The following IL1RAPL1 variants were observed in gnomAD, a reference collection of about 807,000 sequenced individuals.
IL1RAPL1 encodes the protein interleukin-1 receptor accessory protein-like 1.
In IL1RAPL1, 3 loss-of-function variants were observed where a neutral mutation model predicts 48.4. The observed-to-expected ratio is 0.06, with a 90% CI of 0.03 to 0.16. The LOEUF (loss-of-function observed/expected upper bound fraction) is 0.16, where lower values mean the gene tolerates loss of function less well. Ranked by LOEUF, IL1RAPL1 falls within the 10% of genes least tolerant of loss-of-function variation. The pLI, the probability that IL1RAPL1 is intolerant of heterozygous loss-of-function variation, is 1.00. For missense variants in IL1RAPL1, 349 were observed against 530.6 expected (o/e 0.66, Z 3.36); for synonymous variants, 185 against 187.7 (o/e 0.99, Z 0.12).
At chrX:28,924,171 C>G (rs964902769) in intron 2 of IL1RAPL1, 5 of 112,052 alleles carry the variant, frequency 4.5e-5, no homozygotes, top group African/African-American at 1.6e-4. Context: ...TTAAAAAATA[C>G]TGTTTGCTTT....
chrX:29,637,523 A>G (rs745367674), intron 5 of IL1RAPL1, among the ~76,000 whole-genome samples: 2 of 111,446 alleles, frequency 1.8e-5, no homozygotes, highest in South Asian at 7.4e-4. Flanking sequence ...GAATTGGAGA[A>G]GGTATATATG....
At chrX:29,390,584 A>T (rs911246295) in intron 3 of IL1RAPL1, among the ~76,000 whole-genome samples, 4 of 111,731 alleles carry the variant, frequency 3.6e-5, no homozygotes, top group African/African-American at 1.3e-4. Context: ...TAGTGATCCT[A>T]TTAGAGGATA....
intron 1 of IL1RAPL1, among the ~76,000 whole-genome samples, chrX:28,681,270 T>C (rs764529785): frequency 9.0e-6 from 1 of 111,712 alleles, no homozygotes; most frequent in South Asian, 3.7e-4. Context: ...TCTCATTTTT[T>C]CATTTCTGGA....
rs1224692851 is a variant in IL1RAPL1 at position 28,703,564 on chromosome X, T to G, written c.-24-85756T>G. Among the ~76,000 whole-genome samples, 17 of 111,225 alleles carry G rather than the reference T, an allele frequency of 1.5e-4. No individual in the cohort carries two copies. The Admixed American group carries it at 1.6e-3, about 11-fold the overall frequency. ...TTATTTTCTCAAGTCCCCAACCCCC[T>G]AAAGAATATCTGATTTTTAAGAGAT... On this transcript the variant is annotated intron_variant, in intron 1 of 10. Transcript: ENST00000378993.
intron 3 of IL1RAPL1, among the ~76,000 whole-genome samples, chrX:29,332,554 C>T (rs1358440945): frequency 1.9e-5 from 2 of 104,250 alleles, no homozygotes; most frequent in African/African-American, 6.9e-5. Context: ...AGATGTTTAT[C>T]CCAAATCCAG....
At chrX:29,416,462 G>C (rs974495733) in intron 5 of IL1RAPL1, among the ~76,000 whole-genome samples, 11 of 110,941 alleles carry the variant, frequency 9.9e-5, no homozygotes, top group Admixed American at 6.8e-4. Context: ...CTTGAACTTG[G>C]GGGGGCAGAG....
chrX:29,592,629 A>G (rs1219821738), intron 5 of IL1RAPL1, among the ~76,000 whole-genome samples: 1 of 112,249 alleles, frequency 8.9e-6, no homozygotes, highest in East Asian at 2.8e-4. Context: ...GTTCATATCA[A>G]CTGCAATGCC....
intron 5 of IL1RAPL1, among the ~76,000 whole-genome samples, chrX:29,423,773 C>T (rs1263619313): frequency 3.6e-5 from 4 of 111,358 alleles, no homozygotes; most frequent in Non-Finnish European, 7.5e-5. Flanking sequence ...ACTCTAAGCA[C>T]CTTGCATATA....
At chrX:29,438,816 C>T (rs909122331) in intron 5 of IL1RAPL1, among the ~76,000 whole-genome samples, 2 of 110,693 alleles carry the variant, frequency 1.8e-5, no homozygotes, top group African/African-American at 6.5e-5. Context: ...TCCATGGGAA[C>T]TTAAAAAGAA....
chrX:29,921,806 T>C (rs1932850113), intron 8 of IL1RAPL1, among the ~76,000 whole-genome samples: 1 of 112,058 alleles, frequency 8.9e-6, no homozygotes, highest in African/African-American at 3.2e-5. Context: ...GTACTTTTAA[T>C]CACTCTTCCC....
At chrX:29,610,892 C>G (rs537547122) in intron 5 of IL1RAPL1, among the ~76,000 whole-genome samples, 257 of 112,031 alleles carry the variant, frequency 2.3e-3, no homozygotes, top group African/African-American at 7.9e-3. Flanking sequence ...GAGGACTAAG[C>G]TCTGATTTTT....
intron 6 of IL1RAPL1, among the ~76,000 whole-genome samples, chrX:29,815,703 T>C (rs1173333860): frequency 9.0e-6 from 1 of 111,136 alleles, no homozygotes; most frequent in Non-Finnish European, 1.9e-5. Flanking sequence ...AAGTATGGTG[T>C]TGGCTGTGGG....
rs146258776 is a variant in IL1RAPL1 at position 29,066,622 on chromosome X, C to G, written c.83-216316C>G. Among the ~76,000 whole-genome samples, 812 of 111,557 alleles carry G rather than the reference C, an allele frequency of 7.3e-3. 3 individuals are homozygous for G. The highest frequency in any genetic ancestry group is 0.025 in the African/African-American group (765 of 30,634). ...AATAGAGTCTGTAGCCTCTGGCCTT[C>G]TCAGCTTATCTCCCTCAGCATAGAA... On this transcript the variant is annotated intron_variant, in intron 2 of 10. Coordinates refer to ENST00000378993, the MANE Select transcript of IL1RAPL1 (RefSeq NM_014271.4).
intron 6 of IL1RAPL1, among the ~76,000 whole-genome samples, chrX:29,826,274 C>G (rs1930737654): frequency 9.0e-6 from 1 of 111,295 alleles, no homozygotes. Flanking sequence ...CATCAGGACT[C>G]AAGAGTGTAA....
intron 6 of IL1RAPL1, among the ~76,000 whole-genome samples, chrX:29,719,411 G>A (rs1176892172): frequency 9.0e-6 from 1 of 111,473 alleles, no homozygotes. Flanking sequence ...CTCCCAACCT[G>A]CAAGGTAGGC....
At chrX:29,396,049 A>AAAAC (rs1479384392) in intron 3 of IL1RAPL1, among the ~76,000 whole-genome samples, 1 of 112,852 alleles carries the variant, frequency 8.9e-6, no homozygotes, top group African/African-American at 3.2e-5. Context: ...CTGGCAAATA[A>AAAAC]AAACAAATAA....
At chrX:29,836,885 A>G (rs964104613) in intron 6 of IL1RAPL1, among the ~76,000 whole-genome samples, 5 of 110,941 alleles carry the variant, frequency 4.5e-5, no homozygotes, top group African/African-American at 9.9e-5. Flanking sequence ...TTGTAAGAGT[A>G]TAGTCAGAAT....
chrX:29,301,974 A>G (rs955157176), intron 3 of IL1RAPL1, among the ~76,000 whole-genome samples: 6 of 111,544 alleles, frequency 5.4e-5, no homozygotes, highest in Non-Finnish European at 7.5e-5. Context: ...GGGAAAAGCA[A>G]CAGATACACG....
At chrX:29,191,020 C>G (rs1201667520) in intron 2 of IL1RAPL1, among the ~76,000 whole-genome samples, 1 of 110,912 alleles carries the variant, frequency 9.0e-6, no homozygotes, top group East Asian at 2.8e-4. Context: ...CTCTGAAATG[C>G]GCATATATTT....
Sources: allele counts gnomAD v4.1 joint callset (sites outside exome capture counted in the v4.1 genomes callset), GRCh38; gene constraint gnomAD v4.1.1; transcripts MANE v1.5; gene names NCBI Gene and HGNC (gene_info 2026-07-23, HGNC 2026-07-21).